The following PDS5A variants were observed in gnomAD, a reference collection of about 807,000 sequenced individuals.
The protein encoded by PDS5A is sister chromatid cohesion protein PDS5 homolog A.
A neutral mutation model predicts 167.1 loss-of-function variants in PDS5A; 42 were observed. That is an observed-to-expected ratio of 0.25 (90% confidence interval 0.20 to 0.33). The LOEUF (loss-of-function observed/expected upper bound fraction) is 0.33. PDS5A is among the 10% of genes least tolerant of loss of function. PDS5A has a pLI of 1.00. For synonymous variants in PDS5A, 553 were observed against 554.6 expected, an observed-to-expected ratio of 1.00 and a Z score of 0.04; for missense variants, 1,033 against 1,605.9, an observed-to-expected ratio of 0.64 and a Z score of 6.10.
At chr4:39,897,505 T>G (rs1435460198) in intron 16 of PDS5A, among the ~76,000 whole-genome samples, 1 of 152,056 alleles carries the variant, frequency 6.6e-6, no homozygotes, top group Non-Finnish European at 1.5e-5. Flanking sequence ...TTCAAGCAAT[T>G]CTCCTGTCTC....
rs1355573828 is a variant in PDS5A, at chr4:39,927,976, G to A, written c.327C>T (p.Ser109=). 3 of 1,612,000 alleles carry A rather than the reference G, an allele frequency of 1.9e-6. No homozygotes were observed. The Admixed American group carries it at 5.0e-5, about 27-fold the overall frequency. ...CTGTATTTACCTTAAGTTTATCATG[G>A]GAAGTATATGGAGCTTCTGGGGCAT... ...RIYAPEAPYT[S]HDKLKDIFLF... is the part of the protein sequence containing the mutation. The change falls in exon 3 of 33, where the codon TCC becomes TCT. Residue 109 remains serine (S), a synonymous_variant. Transcript: ENST00000303538.
intron 11 of PDS5A, among the ~76,000 whole-genome samples, chr4:39,905,654 C>T (rs1723271645): frequency 6.6e-6 from 1 of 152,126 alleles, no homozygotes; most frequent in African/African-American, 2.4e-5. Flanking sequence ...CCAAAACAAA[C>T]AGGCCAGAGG....
chr4:39,901,149 T>C (rs1722843095), intron 13 of PDS5A, among the ~76,000 whole-genome samples: 1 of 152,208 alleles, frequency 6.6e-6, no homozygotes, highest in Non-Finnish European at 1.5e-5. Context: ...CTTTGTCAGA[T>C]ATTTTGAAAT....
chr4:39,936,236 C>G (rs1726588735), intron 2 of PDS5A, among the ~76,000 whole-genome samples: 1 of 152,154 alleles, frequency 6.6e-6, no homozygotes. Context: ...CAATTCAGTT[C>G]TGACACTACC....
In PDS5A at chr4:39,902,444, T is replaced by C. The variant is rs746888611; in HGVS notation, c.1402A>G (p.Ile468Val). ...SIDDKLLVEK[I>V]FAQYLVPHNL... ...TGGGGGACAAGATACTGAGCAAAGA[T>C]TTTCTCTACCAACAGTCTAGGAAAT... The change falls in exon 13 of 33, where the codon ATC (isoleucine) becomes GTC (valine). Residue 468 changes from isoleucine to valine, a missense_variant. By Grantham distance (29) the Ile-to-Val change is conservative. Coordinates refer to ENST00000303538, the MANE Select transcript of PDS5A (RefSeq NM_001100399.2). 7 of 1,550,486 alleles carry C rather than the reference T, an allele frequency of 4.5e-6. No homozygotes were observed. Among genetic ancestry groups the C allele is most frequent in the East Asian group, 2.3e-5 (1 of 44,058 alleles).
chr4:39,837,698 T>A (rs1270876343), intron 32 of PDS5A, 158 bp downstream of exon 32: 7 of 510,802 alleles, frequency 1.4e-5, no homozygotes, highest in Non-Finnish European at 2.3e-5. Context: ...CTGGAAGTTA[T>A]GAGATAATAA....
intron 19 of PDS5A, 107 bp downstream of exon 19, chr4:39,876,886 G>C (rs1720502139): frequency 1.3e-6 from 1 of 758,178 alleles, no homozygotes; most frequent in African/African-American, 1.8e-5. Context: ...CTAAATCAAA[G>C]TTGTCTTTCT....
chr4:39,866,759 T>C, intron 23 of PDS5A, 102 bp downstream of exon 23: 1 of 958,778 alleles, frequency 1.0e-6, no homozygotes, highest in South Asian at 2.0e-5. Context: ...CTGAAGATCA[T>C]GGTGTAATTA....
At chr4:39,852,232 AATAC>A (rs1437142377) in intron 26 of PDS5A, among the ~76,000 whole-genome samples, 3 of 152,220 alleles carry the variant, frequency 2.0e-5, no homozygotes, top group Non-Finnish European at 4.4e-5. Flanking sequence ...GATACAAAAC[AATAC>A]ATATATGTAT....
At chr4:39,965,944 A>T (rs1322045005) in intron 2 of PDS5A, among the ~76,000 whole-genome samples, 1 of 152,152 alleles carries the variant, frequency 6.6e-6, no homozygotes, top group Non-Finnish European at 1.5e-5. Context: ...ATTTTATGTT[A>T]TGTATATTTT....
At position 39,862,317 on chromosome 4, in the gene PDS5A, C is replaced by T; in HGVS notation, c.2988G>A (p.Leu996=). The change falls in exon 26 of 33, where the codon CTG becomes CTA. Residue 996 remains leucine, a synonymous_variant. Coordinates refer to ENST00000303538, the MANE Select transcript of PDS5A (RefSeq NM_001100399.2). ...TGTATGGAACTACATATTCAGGCAA[C>T]AGTGATAATAATTTCTCTGAAGTAA... ...NPMATEKLLS[L]LPEYVVPYMI... The T allele has an allele frequency of 1.3e-6, 2 of 1,489,156 alleles. No homozygotes were observed. The highest frequency in any genetic ancestry group is 2.5e-5 in the South Asian group (2 of 80,218). The allele number at this position is 1,489,156 out of a possible 1,614,324, so 92.2% of individuals were successfully genotyped here. A position where few individuals can be genotyped will look rare whatever the true frequency, so the allele number is the denominator to read the frequency against.
At chr4:39,869,529 T>A in intron 21 of PDS5A, 67 bp from the exon 22 acceptor site, 1 of 936,414 alleles carries the variant, frequency 1.1e-6, no homozygotes, top group African/African-American at 1.6e-5. Context: ...GCTGATTAAG[T>A]TTTTCATGTT....
chr4:39,923,349 A>G (rs1370708835), intron 5 of PDS5A, among the ~76,000 whole-genome samples: 1 of 150,152 alleles, frequency 6.7e-6, no homozygotes, highest in East Asian at 1.9e-4. Context: ...AAAAAAAAGA[A>G]AAAAAAAAGG....
At chr4:39,892,380 C>T (rs778961278) in intron 16 of PDS5A, among the ~76,000 whole-genome samples, 7 of 152,156 alleles carry the variant, frequency 4.6e-5, no homozygotes, top group South Asian at 2.1e-4. Context: ...ACTGCAAAGA[C>T]GCTATCTTCT....
intron 16 of PDS5A, among the ~76,000 whole-genome samples, chr4:39,893,671 C>T (rs192694320): frequency 2.0e-5 from 3 of 152,050 alleles, no homozygotes; most frequent in Admixed American, 1.3e-4. Context: ...ATTCAGTAGC[C>T]CATAGGGGAA....
intron 11 of PDS5A, 120 bp from the exon 12 acceptor site, chr4:39,904,311 T>A (rs1437156906): frequency 3.9e-6 from 2 of 516,848 alleles, no homozygotes; most frequent in Admixed American, 8.0e-5. Flanking sequence ...ACTGGCACAC[T>A]ATTTCTCTTC....
At chr4:39,907,828 C>A (rs563787351) in intron 11 of PDS5A, among the ~76,000 whole-genome samples, 1 of 152,040 alleles carries the variant, frequency 6.6e-6, no homozygotes, top group Non-Finnish European at 1.5e-5. Context: ...CCTCGTGATC[C>A]GCCCGCCTCG....
At chr4:39,828,350 C>G (rs1715501725) in intron 32 of PDS5A, among the ~76,000 whole-genome samples, 1 of 152,192 alleles carries the variant, frequency 6.6e-6, no homozygotes, top group Non-Finnish European at 1.5e-5. Context: ...ATATCTTCCT[C>G]TCTCTGTTTT....
chr4:39,975,103 T>G (rs1288056377), intron 2 of PDS5A, among the ~76,000 whole-genome samples: 1 of 99,348 alleles, frequency 1.0e-5, no homozygotes, highest in African/African-American at 4.2e-5. Context: ...CAAGACTCCG[T>G]CTCAAAAAAA....
Sources: gnomAD v4.1 joint callset for allele counts (sites outside exome capture counted in the v4.1 genomes callset) on GRCh38, gnomAD v4.1.1 for gene constraint, MANE v1.5 for transcripts, NCBI Gene and HGNC (gene_info 2026-07-23, HGNC 2026-07-21) for gene names.